The following UTP18 variants were observed in gnomAD, a reference collection of about 807,000 sequenced individuals.
UTP18 encodes UTP18 small subunit processome component.
UTP18 carries 36 observed loss-of-function variants against 61.1 expected under a neutral mutation model. The observed-to-expected ratio is 0.59, with a 90% CI of 0.45 to 0.78. The LOEUF is 0.78. Among genes scored for constraint, UTP18 ranks in the 30% least tolerant of loss-of-function variants. UTP18 has a pLI of 0.00. For missense variants in UTP18, 753 were observed against 693.9 expected (o/e 1.09, Z -0.96); for synonymous variants, 282 against 251.1 (o/e 1.12, Z -1.16).
At chr17:51,282,830 C>T (rs891884280) in intron 9 of UTP18, among the ~76,000 whole-genome samples, 5 of 150,686 alleles carry the variant, frequency 3.3e-5, no homozygotes, top group Admixed American at 6.6e-5. Context: ...CTCTTCCTCT[C>T]TCTCCGCTTC....
intron 4 of UTP18, among the ~76,000 whole-genome samples, 196 bp from the exon 5 acceptor site, chr17:51,273,166 C>G (rs999075943): frequency 6.8e-6 from 1 of 147,454 alleles, no homozygotes; most frequent in African/African-American, 2.5e-5. Flanking sequence ...TTTGTGTCAT[C>G]TTTTTCTTCT....
At chr17:51,270,482 T>A (rs191322537) in intron 4 of UTP18, among the ~76,000 whole-genome samples, 7 of 152,308 alleles carry the variant, frequency 4.6e-5, no homozygotes, top group African/African-American at 1.7e-4. Flanking sequence ...TGGGTATGGT[T>A]ATGCTAGCTG....
At chr17:51,285,916 C>T (rs566097403) in intron 10 of UTP18, among the ~76,000 whole-genome samples, 2 of 152,212 alleles carry the variant, frequency 1.3e-5, no homozygotes, top group Non-Finnish European at 2.9e-5. Flanking sequence ...AAAATGCTGG[C>T]GCTACCTTAT....
At chr17:51,265,562 C>CTTTTTTTTTTTT (rs10695281) in intron 2 of UTP18, among the ~76,000 whole-genome samples, 9 of 85,566 alleles carry the variant, frequency 1.1e-4, no homozygotes, top group African/African-American at 4.5e-4. Context: ...CGTGCCCGGC[C>CTTTTTTTTTTTT]TTTTTTTTTT....
chr17:51,283,616 G>GTT (rs1905021970), intron 9 of UTP18, among the ~76,000 whole-genome samples: 2 of 121,880 alleles, frequency 1.6e-5, no homozygotes, highest in South Asian at 3.3e-4. Context: ...TTTACTCATG[G>GTT]ATTTTTTTTT....
intron 6 of UTP18, 27 bp from the exon 7 acceptor site, chr17:51,277,103 A>G (rs1248823729): frequency 6.2e-7 from 1 of 1,607,378 alleles, no homozygotes; most frequent in East Asian, 2.2e-5. Flanking sequence ...GAAATAATCA[A>G]AAGAACCATT....
At position 51,282,577 on chromosome 17, in the gene UTP18, C is replaced by T. The variant is rs567204848; in HGVS notation, c.1204+2098C>T. ...GAGTAATATTCCTGATGAAATGGCC[C>T]TTGGCCCTGGTAGAGAGAGAGTCGG... On this transcript the variant is annotated intron_variant, in intron 9 of 13. Coordinates refer to ENST00000225298, the MANE Select transcript of UTP18 (RefSeq NM_016001.3). Among the ~76,000 whole-genome samples the T allele has an allele frequency of 1.3e-4, 19 of 151,732 alleles. No homozygotes were observed. The East Asian group carries it at 3.7e-3, about 30-fold the overall frequency.
chr17:51,274,049 C>T (rs1904630747), intron 5 of UTP18, among the ~76,000 whole-genome samples: 1 of 152,188 alleles, frequency 6.6e-6, no homozygotes, highest in South Asian at 2.1e-4. Flanking sequence ...TGGCTTTTGC[C>T]TGGATCCTTA....
At chr17:51,279,863 C>CT (rs1439839345) in intron 7 of UTP18, 142 bp from the exon 8 acceptor site, 19 of 671,618 alleles carry the variant, frequency 2.8e-5, no homozygotes, top group Middle Eastern at 8.3e-4. Flanking sequence ...TGCGTTTAGA[C>CT]TTATTCGGGG....
chr17:51,269,943 C>T (rs961341620), intron 4 of UTP18, among the ~76,000 whole-genome samples: 2 of 151,852 alleles, frequency 1.3e-5, no homozygotes, highest in Non-Finnish European at 2.9e-5. Context: ...ACAACCTCTG[C>T]CTCCCGGGTT....
intron 2 of UTP18, among the ~76,000 whole-genome samples, chr17:51,265,005 A>G (rs1408683095): frequency 2.0e-5 from 3 of 152,000 alleles, no homozygotes; most frequent in Non-Finnish European, 4.4e-5. Context: ...AATATTCTTT[A>G]TTATGTCCTT....
At position 51,293,252 on chromosome 17, in the gene UTP18, C is replaced by A. The variant is rs140533967; in HGVS notation, c.1504-651C>A. Among the ~76,000 whole-genome samples the A allele has an allele frequency of 1.1e-4, 16 of 152,232 alleles. No individual in the cohort carries two copies. The East Asian group carries it at 3.1e-3, about 29-fold the overall frequency. On this transcript the variant is annotated intron_variant, in intron 11 of 13. Coordinates refer to ENST00000225298, the MANE Select transcript of UTP18 (RefSeq NM_016001.3). ...CATCATGCTGGATGCTGTACTGACG[C>A]TTTTTTCTCTTTCTTCCTTTTCTGC...
chr17:51,291,599 G>GT (rs1389702874), intron 11 of UTP18, among the ~76,000 whole-genome samples: 1 of 152,050 alleles, frequency 6.6e-6, no homozygotes, highest in Non-Finnish European at 1.5e-5. Context: ...GCTGGGCGTG[G>GT]TAGCCCACAC....
intron 6 of UTP18, 100 bp from the exon 7 acceptor site, chr17:51,277,030 A>T (rs1597847169): frequency 9.5e-6 from 12 of 1,264,254 alleles, no homozygotes; most frequent in African/African-American, 1.5e-5. Context: ...AGCCCCTTGG[A>T]TATGTATTTT....
chr17:51,268,014 G>GTTT (rs895927915), intron 3 of UTP18, among the ~76,000 whole-genome samples: 9 of 127,060 alleles, frequency 7.1e-5, no homozygotes, highest in African/African-American at 2.4e-4. Context: ...TTTGTTTTTT[G>GTTT]TTTTTTTTTT....
intron 2 of UTP18, among the ~76,000 whole-genome samples, chr17:51,264,101 A>T (rs2055535955): frequency 6.7e-6 from 1 of 148,614 alleles, no homozygotes; most frequent in Admixed American, 6.8e-5. Flanking sequence ...CAGTGGTGCG[A>T]TCTTGGTTCA....
At chr17:51,279,945 ATGATAGT>A (rs1904856740) in intron 7 of UTP18, 53 bp from the exon 8 acceptor site, 1 of 1,315,468 alleles carries the variant, frequency 7.6e-7, no homozygotes, top group African/African-American at 1.5e-5. Context: ...TTGTCAATAG[ATGATAGT>A]TTTATTGAAA....
intron 3 of UTP18, 140 bp from the exon 4 acceptor site, chr17:51,268,697 G>A: frequency 1.5e-6 from 1 of 676,302 alleles, no homozygotes. Context: ...AATAACTTCT[G>A]TTCTTAAAGA....
At chr17:51,264,028 CTT>C (rs1243046042) in intron 2 of UTP18, among the ~76,000 whole-genome samples, 1 of 143,678 alleles carries the variant, frequency 7.0e-6, no homozygotes, top group African/African-American at 2.6e-5. Flanking sequence ...TTCTTTTTCC[CTT>C]TTTTTTTTTT....
Sources: gnomAD v4.1 joint callset for allele counts (sites outside exome capture counted in the v4.1 genomes callset) on GRCh38, gnomAD v4.1.1 for gene constraint, MANE v1.5 for transcripts, NCBI Gene and HGNC (gene_info 2026-07-23, HGNC 2026-07-21) for gene names.